Variants in SNTG1 observed in about 807,000 individuals in gnomAD.
The protein encoded by SNTG1 is syntrophin gamma 1.
Under a neutral mutation model 74.7 loss-of-function variants are expected in SNTG1, and 39 were observed. The observed-to-expected ratio is 0.52, with a 90% confidence interval of 0.40 to 0.68. The LOEUF (loss-of-function observed/expected upper bound fraction) is 0.68. Among genes scored for constraint, SNTG1 ranks in the 30% least tolerant of loss-of-function variants. The pLI is 0.00. For missense variants in SNTG1, 685 were observed against 609.5 expected (o/e 1.12, Z -1.30); for synonymous variants, 254 against 217.1 (o/e 1.17, Z -1.49).
chr8:50,314,613 G>T (rs1464689047), intron 2 of SNTG1, among the ~76,000 whole-genome samples: 2 of 149,726 alleles, frequency 1.3e-5, no homozygotes, highest in Non-Finnish European at 2.9e-5. Flanking sequence ...TCATGAAAGA[G>T]TTTCACACTT....
intron 1 of SNTG1, among the ~76,000 whole-genome samples, chr8:50,068,422 T>G (rs1385328613): frequency 6.6e-6 from 1 of 152,150 alleles, no homozygotes; most frequent in Non-Finnish European, 1.5e-5. Context: ...TTCCAAGGTG[T>G]TTGACACAAA....
chr8:50,674,358 T>G (rs1451081372), intron 15 of SNTG1, among the ~76,000 whole-genome samples: 1 of 152,102 alleles, frequency 6.6e-6, no homozygotes, highest in Admixed American at 6.6e-5. Context: ...TCAGAACTTG[T>G]TATTGGTCTA....
intron 1 of SNTG1, among the ~76,000 whole-genome samples, chr8:49,971,854 G>T (rs376965031): frequency 2.6e-5 from 4 of 152,156 alleles, no homozygotes; most frequent in East Asian, 1.9e-4. Flanking sequence ...CACTGCTCAA[G>T]GAAATAAAAG....
At chr8:49,914,856 T>C (rs369011206) in intron 1 of SNTG1, 1 of 152,224 alleles carries the variant, frequency 6.6e-6, no homozygotes, top group Admixed American at 6.5e-5. Context: ...AAAAAGCATA[T>C]TGTAAGCTAG....
intron 1 of SNTG1, among the ~76,000 whole-genome samples, chr8:50,085,121 C>T (rs1822760320): frequency 6.6e-6 from 1 of 152,148 alleles, no homozygotes; most frequent in African/African-American, 2.4e-5. Context: ...TCCTATCTGT[C>T]CATGTTAGAA....
At chr8:50,651,430 T>A (rs1314285017) in intron 13 of SNTG1, among the ~76,000 whole-genome samples, 1 of 152,180 alleles carries the variant, frequency 6.6e-6, no homozygotes, top group Non-Finnish European at 1.5e-5. Flanking sequence ...CATTGTATTT[T>A]AGTTCAAACT....
intron 1 of SNTG1, among the ~76,000 whole-genome samples, chr8:49,969,383 T>G (rs1811434022): frequency 7.2e-6 from 1 of 138,370 alleles, no homozygotes; most frequent in South Asian, 2.3e-4. Context: ...TTAATTCATT[T>G]AATCTTTTTT....
intron 1 of SNTG1, among the ~76,000 whole-genome samples, chr8:49,991,237 T>C (rs879746142): frequency 6.6e-6 from 1 of 152,062 alleles, no homozygotes; most frequent in Admixed American, 6.6e-5. Flanking sequence ...AACCACACAA[T>C]TAAATGGCAT....
At chr8:50,005,148 T>A (rs910083081) in intron 1 of SNTG1, among the ~76,000 whole-genome samples, 12 of 152,158 alleles carry the variant, frequency 7.9e-5, no homozygotes, top group African/African-American at 2.9e-4. Context: ...TTCTTGATAC[T>A]GTAAATGATA....
Position 50,550,782 on chromosome 8 carries a change from A to G in SNTG1, c.681-2268A>G, listed in dbSNP as rs149176370. 4.2e-3 allele frequency among the ~76,000 whole-genome samples: 645 copies of G among 152,212 alleles called. 4 individuals are homozygous for G. Among genetic ancestry groups the G allele is most frequent in the African/African-American group, 0.014 (583 of 41,520 alleles). On this transcript the variant is annotated intron_variant, in intron 11 of 18. Transcript: ENST00000642720. ...AAAGTTTAATGTCTCACAATGCTAA[A>G]TTAATGGGTAATGGAGTCTATTGAT...
intron 2 of SNTG1, among the ~76,000 whole-genome samples, chr8:50,222,089 G>A (rs1599275): frequency 2.6e-4 from 40 of 152,282 alleles, no homozygotes; most frequent in African/African-American, 9.4e-4. Context: ...GTTGAGTGGA[G>A]AGTTGCAGGC....
intron 15 of SNTG1, among the ~76,000 whole-genome samples, chr8:50,686,004 TGTTA>T (rs60843057): frequency 0.015 from 2,295 of 152,240 alleles, 49 homozygotes; most frequent in African/African-American, 0.052. Flanking sequence ...CGGGATTCAG[TGTTA>T]GTTAGATATG....
intron 8 of SNTG1, among the ~76,000 whole-genome samples, chr8:50,484,376 T>C (rs1380930714): frequency 1.3e-5 from 2 of 151,606 alleles, no homozygotes; most frequent in African/African-American, 4.8e-5. Context: ...CCACCATTCC[T>C]GGCTAATTTT....
intron 1 of SNTG1, among the ~76,000 whole-genome samples, chr8:49,959,060 A>AT (rs35317018): frequency 6.6e-6 from 1 of 152,118 alleles, no homozygotes; most frequent in Admixed American, 6.6e-5. Context: ...GCTCTTTTGA[A>AT]TTTTTTTGTT....
chr8:50,016,348 G>A (rs1242138258), intron 1 of SNTG1, among the ~76,000 whole-genome samples: 3 of 152,076 alleles, frequency 2.0e-5, no homozygotes, highest in Non-Finnish European at 4.4e-5. Flanking sequence ...CTCAGCTCAT[G>A]AGGCACCCAC....
chr8:50,209,187 A>T (rs2084391185), intron 2 of SNTG1, among the ~76,000 whole-genome samples: 1 of 152,068 alleles, frequency 6.6e-6, no homozygotes, highest in African/African-American at 2.4e-5. Context: ...GGTGCCCGCC[A>T]TTGCTGAGGC....
intron 8 of SNTG1, chr8:50,490,779 G>A (rs540049293): frequency 1.0e-4 from 16 of 152,482 alleles, no homozygotes; most frequent in African/African-American, 3.6e-4. Context: ...ACTTGACCTC[G>A]ACCTTGCTTG....
chr8:50,741,377 C>T (rs931190503), intron 17 of SNTG1, among the ~76,000 whole-genome samples: 3 of 152,064 alleles, frequency 2.0e-5, no homozygotes, highest in African/African-American at 7.2e-5. Flanking sequence ...CCCGCATCCA[C>T]TTCCCAAGTG....
At chr8:50,455,188 A>G (rs2093493699) in intron 8 of SNTG1, among the ~76,000 whole-genome samples, 1 of 152,230 alleles carries the variant, frequency 6.6e-6, no homozygotes, top group African/African-American at 2.4e-5. Context: ...CTAATAGGAT[A>G]ATCTATTCGT....
Sources: allele counts gnomAD v4.1 joint callset (sites outside exome capture counted in the v4.1 genomes callset), GRCh38; gene constraint gnomAD v4.1.1; transcripts MANE v1.5; gene names NCBI Gene and HGNC (gene_info 2026-07-23, HGNC 2026-07-21).